The following COPS2 variants were observed in gnomAD, a reference collection of about 807,000 sequenced individuals.
COPS2 encodes the protein COP9 signalosome complex subunit 2.
A neutral mutation model predicts 66.1 loss-of-function variants in COPS2; 10 were observed. The ratio of observed to expected loss-of-function variants is 0.15; its 90% CI spans 0.09 to 0.26. The LOEUF (loss-of-function observed/expected upper bound fraction) is 0.26. Ranked by LOEUF, COPS2 falls within the 10% of genes least tolerant of loss-of-function variation. The pLI is 1.00. For missense variants in COPS2, 215 were observed against 513.3 expected (o/e 0.42, Z 5.62); for synonymous variants, 179 against 171.3 (o/e 1.04, Z -0.35).
intron 2 of COPS2, 111 bp downstream of exon 2, chr15:49,144,854 A>G: frequency 1.7e-6 from 1 of 603,986 alleles, no homozygotes; most frequent in East Asian, 3.0e-5. Flanking sequence ...AACTGATAGG[A>G]TAATTAAGTA....
At chr15:49,147,918 G>T (rs1183940679) in intron 1 of COPS2, among the ~76,000 whole-genome samples, 1 of 151,806 alleles carries the variant, frequency 6.6e-6, no homozygotes, top group Non-Finnish European at 1.5e-5. Flanking sequence ...CATGAGAATC[G>T]GCACAACTGA....
chr15:49,137,553 T>C (rs2084262281), intron 4 of COPS2, 116 bp from the exon 5 acceptor site: 3 of 733,176 alleles, frequency 4.1e-6, no homozygotes, highest in African/African-American at 3.5e-5. Flanking sequence ...TAAGATACAC[T>C]ATCTGTATCT....
intron 3 of COPS2, among the ~76,000 whole-genome samples, chr15:49,139,949 T>C (rs2084280256): frequency 6.6e-6 from 1 of 152,196 alleles, no homozygotes; most frequent in African/African-American, 2.4e-5. Context: ...TAAAACCTAC[T>C]ACAATATTCA....
intron 9 of COPS2, 75 bp downstream of exon 9, chr15:49,133,684 C>A (rs2084231847): frequency 2.0e-6 from 2 of 1,011,446 alleles, no homozygotes; most frequent in Middle Eastern, 3.2e-4. Flanking sequence ...TAACTGAGTT[C>A]TGAAAAGTTT....
At chr15:49,132,489 T>C (rs755005823) in intron 9 of COPS2, among the ~76,000 whole-genome samples, 4 of 148,066 alleles carry the variant, frequency 2.7e-5, no homozygotes, top group Non-Finnish European at 5.9e-5. Flanking sequence ...ACCCATAATG[T>C]ACAGTCTAAT....
chr15:49,122,926 G>A lies in COPS2; in HGVS notation c.*5024C>T, dbSNP rs1016305315. On this transcript the variant is annotated 3_prime_UTR_variant, in exon 13 of 13. Coordinates refer to ENST00000388901, the MANE Select transcript of COPS2 (RefSeq NM_004236.4). ...TCACCTACTACTTCCTTCCCACCTA[G>A]TGTTAGCTCAAGGAATTTGATACCT... 7.2e-5 allele frequency: 11 copies of A among 152,132 alleles called. No homozygotes were observed. Among genetic ancestry groups the A allele is most frequent in the African/African-American group, 2.7e-4 (11 of 41,428 alleles). The allele number at this position is 152,132 out of a possible 1,614,324, so 9.4% of individuals were successfully genotyped here.
rs763856167 is a variant in COPS2 at position 49,155,534 on chromosome 15, G to C, written c.45C>G (p.Asp15Glu). ...EDDFMCDDEEDYDLEYSEDSN... is the reference protein window; with the variant it reads ...EDDFMCDDEEEYDLEYSEDSN... The stretch of plus-strand genomic sequence containing the variant: ...ATTCCCTGCGCCTCACCAGGTCGTA[G>C]TCCTCCTCATCATCGCACATGAAAT... The change falls in exon 1 of 13, where the codon GAC (aspartate) becomes GAG (glutamate). Residue 15 changes from aspartate to glutamate, a missense_variant. Transcript: ENST00000388901. 1 of 1,614,176 alleles carries C rather than the reference G, an allele frequency of 6.2e-7. No individual in the cohort carries two copies. The highest frequency in any genetic ancestry group is 8.5e-7 in the Non-Finnish European group (1 of 1,180,014).
intron 1 of COPS2, among the ~76,000 whole-genome samples, chr15:49,152,104 T>C (rs908443748): frequency 6.7e-6 from 1 of 149,826 alleles, no homozygotes; most frequent in Non-Finnish European, 1.5e-5. Context: ...CAAAAAACAA[T>C]ACATTTTTTA....
chr15:49,140,549 C>T (rs1415440707), intron 3 of COPS2, among the ~76,000 whole-genome samples: 1 of 151,960 alleles, frequency 6.6e-6, no homozygotes, highest in Non-Finnish European at 1.5e-5. Flanking sequence ...GTTGTTATTC[C>T]TTGTATTTGT....
intron 1 of COPS2, among the ~76,000 whole-genome samples, chr15:49,151,166 C>T (rs754518595): frequency 7.9e-5 from 12 of 151,914 alleles, no homozygotes; most frequent in Non-Finnish European, 1.6e-4. Flanking sequence ...TTTGGGAGGG[C>T]GAGGAAGGCC....
intron 3 of COPS2, among the ~76,000 whole-genome samples, chr15:49,143,146 G>C (rs74798636): frequency 0.15 from 23,151 of 152,142 alleles, 2,262 homozygotes; most frequent in Non-Finnish European, 0.21. Flanking sequence ...TGAGGCAGAG[G>C]AAACAGCAGG....
intron 10 of COPS2, among the ~76,000 whole-genome samples, chr15:49,130,167 A>T (rs2084197836): frequency 6.6e-6 from 1 of 152,190 alleles, no homozygotes; most frequent in Non-Finnish European, 1.5e-5. Context: ...ATGGTCATTT[A>T]AAAACCTTCA....
intron 1 of COPS2, among the ~76,000 whole-genome samples, chr15:49,151,189 T>G (rs1285164170): frequency 1.3e-5 from 2 of 152,110 alleles, no homozygotes; most frequent in East Asian, 3.9e-4. Flanking sequence ...TCACCAAAGG[T>G]CAGGAGTTTG....
At chr15:49,149,326 T>C (rs17473568) in intron 1 of COPS2, among the ~76,000 whole-genome samples, 28,398 of 152,160 alleles carry the variant, frequency 0.19, 2,814 homozygotes, top group Non-Finnish European at 0.21. Flanking sequence ...CCTAACAAAC[T>C]TTCTGATTTT....
intron 6 of COPS2, among the ~76,000 whole-genome samples, chr15:49,135,878 C>T (rs949333729): frequency 6.6e-6 from 1 of 152,118 alleles, no homozygotes; most frequent in Non-Finnish European, 1.5e-5. Flanking sequence ...TTTTTATGTT[C>T]TTAAAGCAAA....
At chr15:49,147,657 G>C (rs1406769144) in intron 1 of COPS2, among the ~76,000 whole-genome samples, 5 of 138,776 alleles carry the variant, frequency 3.6e-5, no homozygotes, top group African/African-American at 1.3e-4. Flanking sequence ...AATAAGAGTA[G>C]TTACCTGTAA....
chr15:49,133,558 T>A (rs908674928), intron 9 of COPS2, among the ~76,000 whole-genome samples: 1 of 40,526 alleles, frequency 2.5e-5, no homozygotes, highest in African/African-American at 4.5e-5. Flanking sequence ...ATAGGAAAAC[T>A]AAGTAGATAC....
At chr15:49,128,154 T>G (rs960633544) in intron 12 of COPS2, 60 bp from the exon 13 acceptor site, 49 of 1,533,602 alleles carry the variant, frequency 3.2e-5, no homozygotes, top group Admixed American at 7.4e-5. Flanking sequence ...AGTTTCTGGA[T>G]TAATGTTTCA....
chr15:49,142,653 T>C (rs1403475843), intron 3 of COPS2, among the ~76,000 whole-genome samples: 4 of 152,350 alleles, frequency 2.6e-5, no homozygotes, highest in Non-Finnish European at 4.4e-5. Flanking sequence ...TCTTCTCCTT[T>C]AGTGATCTAA....
Sources: gnomAD v4.1 joint callset for allele counts (sites outside exome capture counted in the v4.1 genomes callset) on GRCh38, gnomAD v4.1.1 for gene constraint, MANE v1.5 for transcripts, NCBI Gene and HGNC (gene_info 2026-07-23, HGNC 2026-07-21) for gene names.